Variants in GABBR2 observed in about 807,000 individuals in gnomAD.
GABBR2 encodes gamma-aminobutyric acid type B receptor subunit 2.
A neutral mutation model predicts 105.6 loss-of-function variants in GABBR2; 23 were observed. The observed-to-expected ratio is 0.22, with a 90% CI of 0.16 to 0.31. GABBR2 has a LOEUF of 0.31. Ranked by LOEUF, GABBR2 falls within the 10% of genes least tolerant of loss-of-function variation. The pLI, the probability that GABBR2 is intolerant of heterozygous loss-of-function variation, is 1.00. For synonymous variants in GABBR2, 478 were observed against 499.7 expected (o/e 0.96, Z 0.58); for missense variants, 734 against 1,245.5 (o/e 0.59, Z 6.18).
At chr9:98,667,957 C>A (rs1199176007) in intron 1 of GABBR2, among the ~76,000 whole-genome samples, 1 of 152,208 alleles carries the variant, frequency 6.6e-6, no homozygotes, top group East Asian at 1.9e-4. Flanking sequence ...AGGGAGCTGC[C>A]TCATCCCACG....
intron 7 of GABBR2, among the ~76,000 whole-genome samples, chr9:98,421,343 T>C (rs1014548092): frequency 6.6e-6 from 1 of 152,154 alleles, no homozygotes; most frequent in Non-Finnish European, 1.5e-5. Flanking sequence ...TGTGTAAAAA[T>C]CGACGAGGAA....
chr9:98,696,763 C>T (rs945706408), intron 1 of GABBR2, among the ~76,000 whole-genome samples: 2 of 152,174 alleles, frequency 1.3e-5, no homozygotes, highest in Admixed American at 1.3e-4. Flanking sequence ...TGAGTAAACA[C>T]AACCGAAGGT....
chr9:98,549,864 A>G (rs1272456892), intron 2 of GABBR2, among the ~76,000 whole-genome samples: 2 of 152,218 alleles, frequency 1.3e-5, no homozygotes, highest in African/African-American at 2.4e-5. Context: ...GCATCCAGGT[A>G]CTACCCAATC....
At position 98,648,082 on chromosome 9, in the gene GABBR2, T is replaced by G. The variant is rs571815758; in HGVS notation, c.321+60335A>C. On this transcript the variant is annotated intron_variant, in intron 1 of 18. Transcript: ENST00000259455. ...CCTTTCTATCATTAATCATACAGGG[T>G]GTGTGTGTGTGTGTGTGTGTGTGTG... Among the ~76,000 whole-genome samples, 12 of 71,738 alleles carry G rather than the reference T, an allele frequency of 1.7e-4. No homozygotes were observed. The East Asian group carries it at 1.8e-3, about 11-fold the overall frequency. The allele number at this position is 71,738 out of a possible 152,430, so 47.1% of individuals were successfully genotyped here. A position where few individuals can be genotyped will look rare whatever the true frequency, so the allele number is the denominator to read the frequency against.
intron 1 of GABBR2, among the ~76,000 whole-genome samples, chr9:98,606,529 G>A (rs1382185631): frequency 1.5e-5 from 2 of 134,098 alleles, no homozygotes; most frequent in African/African-American, 5.8e-5. Flanking sequence ...TGCTCAGGCT[G>A]GACTGCAATG....
Position 98,708,412 on chromosome 9 carries a change from C to T in GABBR2, c.321+5G>A, listed in dbSNP as rs770140373. ...CCCCGACGGCAGGGGCAGCCGGACA[C>T]TCACCTCCGTGTCATAGAGCCGCAG... On this transcript the variant is annotated splice_donor_5th_base_variant and intron_variant, in intron 1 of 18. Coordinates refer to ENST00000259455, the MANE Select transcript of GABBR2 (RefSeq NM_005458.8). 1.4e-6 allele frequency: 2 copies of T among 1,434,176 alleles called. No individual in the cohort carries two copies. The highest frequency in any genetic ancestry group is 1.9e-6 in the Non-Finnish European group (2 of 1,078,764). The allele number at this position is 1,434,176 out of a possible 1,614,324, so 88.8% of individuals were successfully genotyped here. A position where few individuals can be genotyped will look rare whatever the true frequency, so the allele number is the denominator to read the frequency against.
chr9:98,369,556 C>T (rs530373714), intron 12 of GABBR2, among the ~76,000 whole-genome samples: 4 of 152,306 alleles, frequency 2.6e-5, no homozygotes, highest in African/African-American at 9.6e-5. Context: ...TTGTCTAACA[C>T]GGCAGATCAG....
chr9:98,567,203 A>G (rs550198190), intron 2 of GABBR2, among the ~76,000 whole-genome samples: 117 of 152,356 alleles, frequency 7.7e-4, no homozygotes, highest in African/African-American at 2.8e-3. Flanking sequence ...CAATGAGGCC[A>G]CTGGACTTAC....
At chr9:98,693,541 C>T (rs920888000) in intron 1 of GABBR2, among the ~76,000 whole-genome samples, 3 of 152,210 alleles carry the variant, frequency 2.0e-5, no homozygotes, top group African/African-American at 7.2e-5. Flanking sequence ...GGCTGGGAGT[C>T]ACTCTCATTC....
intron 3 of GABBR2, among the ~76,000 whole-genome samples, chr9:98,537,117 G>A (rs115014563): frequency 1.2e-3 from 181 of 152,260 alleles, no homozygotes; most frequent in African/African-American, 4.1e-3. Context: ...CAACACCAGG[G>A]TCGTCCAGTG....
Position 98,419,978 on chromosome 9 carries a change from C to T in GABBR2, c.1237-13837G>A, listed in dbSNP as rs369864011. Among the ~76,000 whole-genome samples the T allele has an allele frequency of 2.8e-4, 43 of 152,104 alleles. No individual in the cohort carries two copies. In the South Asian group the frequency reaches 7.3e-3, roughly 26 times the overall value. On this transcript the variant is annotated intron_variant, in intron 7 of 18. Coordinates refer to ENST00000259455, the MANE Select transcript of GABBR2 (RefSeq NM_005458.8). ...ACTGAGGGATGGAGCCTCCTGACAA[C>T]GTTTCTGGCTCCCAAGCAGCTGACA...
intron 13 of GABBR2, among the ~76,000 whole-genome samples, chr9:98,318,387 C>G (rs574843790): frequency 6.7e-6 from 1 of 149,658 alleles, no homozygotes; most frequent in African/African-American, 2.5e-5. Flanking sequence ...CACCCGCACA[C>G]CTCTGACACA....
rs1826468310 is a variant in GABBR2, at chr9:98,463,602, CGTCTCG to C, written c.1000-9391_1000-9386del. On this transcript the variant is annotated intron_variant, in intron 6 of 18. Transcript: ENST00000259455. ...CCCTCTCCCTCGCCCTCTCGCTCTCCGTCTCGCTCTCGCTCTCGCTCTCCGTCTCGC... is the reference window on the plus strand; with the variant it reads ...CCCTCTCCCTCGCCCTCTCGCTCTCCCTCTCGCTCTCGCTCTCCGTCTCGC... Among the ~76,000 whole-genome samples the C allele has an allele frequency of 6.7e-5, 3 of 45,076 alleles. No homozygotes were observed. In the South Asian group the frequency reaches 2.0e-3, roughly 29 times the overall value. The allele number at this position is 45,076 out of a possible 152,430, so 29.6% of individuals were successfully genotyped here.
intron 7 of GABBR2, among the ~76,000 whole-genome samples, chr9:98,447,486 C>T: frequency 6.6e-6 from 1 of 151,700 alleles, no homozygotes; most frequent in East Asian, 1.9e-4. Context: ...AAAGATCAAA[C>T]AGGCAGGAGA....
At chr9:98,662,365 T>C (rs1830275114) in intron 1 of GABBR2, among the ~76,000 whole-genome samples, 3 of 152,194 alleles carry the variant, frequency 2.0e-5, no homozygotes, top group Middle Eastern at 6.8e-3. Flanking sequence ...CATAAGGAAC[T>C]TGGAATCAGA....
At chr9:98,618,566 A>G (rs1486336999) in intron 1 of GABBR2, among the ~76,000 whole-genome samples, 3 of 135,638 alleles carry the variant, frequency 2.2e-5, no homozygotes, top group Non-Finnish European at 3.2e-5. Flanking sequence ...ATTTCTGTCT[A>G]TTTCTCTCTC....
chr9:98,619,992 C>T (rs1829645565), intron 1 of GABBR2, among the ~76,000 whole-genome samples: 1 of 152,122 alleles, frequency 6.6e-6, no homozygotes, highest in African/African-American at 2.4e-5. Context: ...TGTGTTGGGT[C>T]ATTGGCAAAA....
Position 98,595,197 on chromosome 9 carries a change from C to T in GABBR2, c.322-17125G>A, listed in dbSNP as rs143128477. 2.2e-4 allele frequency among the ~76,000 whole-genome samples: 34 copies of T among 152,210 alleles called. No homozygotes were observed. The East Asian group carries it at 6.0e-3, about 27-fold the overall frequency. On this transcript the variant is annotated intron_variant, in intron 1 of 18. Coordinates refer to ENST00000259455, the MANE Select transcript of GABBR2 (RefSeq NM_005458.8). ...GGCTGGTTTCCTGGTTTATGGACAG[C>T]GCCTTCTGGCTGGGTCCTCACATGG... is the stretch of plus-strand genomic sequence containing the variant.
intron 2 of GABBR2, among the ~76,000 whole-genome samples, chr9:98,553,274 G>A (rs1431719850): frequency 1.3e-5 from 2 of 152,098 alleles, no homozygotes; most frequent in African/African-American, 2.4e-5. Context: ...GAGGTATAGT[G>A]ACTTGCCTGG....
Sources: gnomAD v4.1 joint callset for allele counts (sites outside exome capture counted in the v4.1 genomes callset) on GRCh38, gnomAD v4.1.1 for gene constraint, MANE v1.5 for transcripts, NCBI Gene and HGNC (gene_info 2026-07-23, HGNC 2026-07-21) for gene names.